GCNT2: variants seen among roughly 807,000 people sequenced by gnomAD.
GCNT2 encodes the protein N-acetyllactosaminide beta-1,6-N-acetylglucosaminyl-transferase.
A neutral mutation model predicts 34.2 loss-of-function variants in GCNT2; 34 were observed. The observed-to-expected ratio is 1.00, with a 90% CI of 0.76 to 1.32. The LOEUF (loss-of-function observed/expected upper bound fraction) is 1.32, where lower values mean the gene tolerates loss of function less well. Among genes scored for constraint, GCNT2 ranks in the 40% most tolerant of loss-of-function variants. GCNT2 has a pLI of 0.00. For missense variants in GCNT2, 584 were observed against 489.4 expected, an observed-to-expected ratio of 1.19 and a Z score of -1.82; for synonymous variants, 212 against 188.0, an observed-to-expected ratio of 1.13 and a Z score of -1.04.
intron 4 of GCNT2, among the ~76,000 whole-genome samples, chr6:10,625,327 G>A (rs1766210589): frequency 6.6e-6 from 1 of 151,994 alleles, no homozygotes; most frequent in Admixed American, 6.5e-5. Context: ...AAATCTTTAA[G>A]GACTGTCCAT....
chr6:10,616,265 T>A (rs79507847), intron 3 of GCNT2, among the ~76,000 whole-genome samples: 55 of 151,982 alleles, frequency 3.6e-4, no homozygotes, highest in Non-Finnish European at 5.6e-4. Context: ...AGGAGTAAAG[T>A]TGCAGACCTT....
chr6:10,534,377 CCA>C (rs571834664), intron 3 of GCNT2, among the ~76,000 whole-genome samples: 175 of 152,062 alleles, frequency 1.2e-3, no homozygotes, highest in African/African-American at 4.0e-3. Flanking sequence ...CTCAGGTGAT[CCA>C]CCTGCCTTGG....
intron 3 of GCNT2, chr6:10,586,002 A>G: frequency 5.0e-6 from 8 of 1,614,070 alleles, no homozygotes; most frequent in Non-Finnish European, 5.9e-6. Flanking sequence ...GAACTTTTGG[A>G]GGTACTGCTT....
chr6:10,617,757 T>TTTTTTTTTC (rs1422405001), intron 3 of GCNT2, among the ~76,000 whole-genome samples: 2 of 120,820 alleles, frequency 1.7e-5, no homozygotes, highest in African/African-American at 8.2e-5. Context: ...CTTCTTTTTT[T>TTTTTTTTTC]TTTTTTTTTT....
At chr6:10,584,410 C>T (rs1194361892) in intron 3 of GCNT2, among the ~76,000 whole-genome samples, 4 of 152,176 alleles carry the variant, frequency 2.6e-5, no homozygotes, top group Admixed American at 2.6e-4. Flanking sequence ...TTTGTCATTC[C>T]ATTCCCAGGG....
At chr6:10,573,218 ACTT>A (rs1370935870) in intron 3 of GCNT2, 15 of 984,552 alleles carry the variant, frequency 1.5e-5, no homozygotes, top group African/African-American at 8.7e-5. Flanking sequence ...GAACTTCTCA[ACTT>A]CTTTTTCCTC....
At chr6:10,578,219 C>T (rs1056401354) in intron 3 of GCNT2, among the ~76,000 whole-genome samples, 47 of 151,630 alleles carry the variant, frequency 3.1e-4, no homozygotes, top group African/African-American at 1.1e-3. Flanking sequence ...AGTGAAACCC[C>T]GTGTCTAATA....
chr6:10,625,711 T>C (rs941941855), intron 4 of GCNT2, among the ~76,000 whole-genome samples: 1 of 152,064 alleles, frequency 6.6e-6, no homozygotes, highest in African/African-American at 2.4e-5. Context: ...AGTAATACCG[T>C]AGGCCCCCCT....
intron 3 of GCNT2, among the ~76,000 whole-genome samples, chr6:10,589,740 A>G (rs1764551312): frequency 6.6e-6 from 1 of 152,202 alleles, no homozygotes; most frequent in South Asian, 2.1e-4. Context: ...GTACTTTATT[A>G]TGTTTATAGG....
chr6:10,626,287 T>C, intron 4 of GCNT2, 130 bp from the exon 5 acceptor site: 2 of 738,216 alleles, frequency 2.7e-6, no homozygotes, highest in South Asian at 1.4e-5. Context: ...TGCACAATCA[T>C]ATTTCATTTG....
rs1429821223 is a variant in GCNT2, at chr6:10,627,415, T to C, written c.*808T>C. On this transcript the variant is annotated 3_prime_UTR_variant, in exon 5 of 5. Coordinates refer to ENST00000495262, the MANE Select transcript of GCNT2 (RefSeq NM_145649.5). ...TAGTCTGAAGTCTGGAACACTTTCC[T>C]CTTCTATGACCCCTCTCTCCCCAGT... 6.6e-6 allele frequency: 1 copy of C among 152,266 alleles called. No individual in the cohort carries two copies. Among genetic ancestry groups the C allele is most frequent in the East Asian group, 1.9e-4 (1 of 5,196 alleles). The allele number at this position is 152,266 out of a possible 1,614,324, so 9.4% of individuals were successfully genotyped here.
At chr6:10,522,609 T>A (rs1760972683) in intron 1 of GCNT2, among the ~76,000 whole-genome samples, 2 of 152,176 alleles carry the variant, frequency 1.3e-5, no homozygotes, top group African/African-American at 4.8e-5. Context: ...GAACAGCATA[T>A]TGCAATTATC....
chr6:10,545,043 G>A (rs573578363), intron 3 of GCNT2, among the ~76,000 whole-genome samples: 2 of 152,232 alleles, frequency 1.3e-5, no homozygotes, highest in East Asian at 3.9e-4. Context: ...CTAATATGTA[G>A]TTACTATGAT....
chr6:10,566,239 TCTCA>T (rs1250684111), intron 3 of GCNT2, among the ~76,000 whole-genome samples: 27 of 152,038 alleles, frequency 1.8e-4, no homozygotes, highest in Admixed American at 4.6e-4. Flanking sequence ...TTTTCCTGAT[TCTCA>T]CTCATCTGGA....
intron 3 of GCNT2, among the ~76,000 whole-genome samples, chr6:10,531,793 C>T (rs1761502512): frequency 6.6e-6 from 1 of 151,414 alleles, no homozygotes; most frequent in South Asian, 2.1e-4. Flanking sequence ...CTCTTCAGGT[C>T]TGGCCACCCT....
chr6:10,544,237 C>T (rs907356245), intron 3 of GCNT2, among the ~76,000 whole-genome samples: 6 of 151,640 alleles, frequency 4.0e-5, no homozygotes, highest in Non-Finnish European at 7.4e-5. Flanking sequence ...TTGCATGAAC[C>T]CAGGAGGCGG....
rs190792871 is a variant in GCNT2, at chr6:10,611,001, G to C, written c.926-10350G>C. On this transcript the variant is annotated intron_variant, in intron 3 of 4. Coordinates refer to ENST00000495262, the MANE Select transcript of GCNT2 (RefSeq NM_145649.5). ...GATGAGTGCAGAGATGTCATATTAAGAATGCTATACCACTGTCTCAGGGAC... is the reference window on the plus strand; with the variant it reads ...GATGAGTGCAGAGATGTCATATTAACAATGCTATACCACTGTCTCAGGGAC... Among the ~76,000 whole-genome samples, 47 of 152,260 alleles carry C rather than the reference G, an allele frequency of 3.1e-4. 2 individuals carry two copies. The East Asian group carries it at 9.1e-3, about 29-fold the overall frequency.
At chr6:10,522,752 T>C (rs541682601) in intron 1 of GCNT2, among the ~76,000 whole-genome samples, 2 of 152,314 alleles carry the variant, frequency 1.3e-5, no homozygotes, top group Admixed American at 6.5e-5. Flanking sequence ...TCAAGGACTT[T>C]CTGAGCGATA....
At chr6:10,537,723 A>AAAAAAAAAAAAAAAAG (rs1761836728) in intron 3 of GCNT2, among the ~76,000 whole-genome samples, 1 of 131,464 alleles carries the variant, frequency 7.6e-6, no homozygotes, top group African/African-American at 2.8e-5. Flanking sequence ...AAAAAAAAAA[A>AAAAAAAAAAAAAAAAG]AAACAAAACA....
Sources: allele counts gnomAD v4.1 joint callset (sites outside exome capture counted in the v4.1 genomes callset), GRCh38; gene constraint gnomAD v4.1.1; transcripts MANE v1.5; gene names NCBI Gene and HGNC (gene_info 2026-07-23, HGNC 2026-07-21).